POLD1: variants seen among roughly 807,000 people sequenced by gnomAD.
POLD1 encodes DNA polymerase delta catalytic subunit.
A neutral mutation model predicts 129.7 loss-of-function variants in POLD1; 79 were observed. That is an observed-to-expected ratio of 0.61 (90% CI 0.51 to 0.73). POLD1 has a LOEUF of 0.73. POLD1 is among the 30% of genes least tolerant of loss of function. The pLI, the probability that POLD1 is intolerant of heterozygous loss-of-function variation, is 0.00. For missense variants in POLD1, 1,338 were observed against 1,595.8 expected (o/e 0.84, Z 2.75); for synonymous variants, 714 against 683.3 (o/e 1.04, Z -0.70).
chr19:50,397,408 T>C (rs1568613171), intron 1 of POLD1, among the ~76,000 whole-genome samples: 1 of 150,836 alleles, frequency 6.6e-6, no homozygotes, highest in South Asian at 2.1e-4. Flanking sequence ...TCTGTCTTTT[T>C]TTTTTTTTTT....
intron 3 of POLD1, among the ~76,000 whole-genome samples, chr19:50,401,126 A>G (rs1468896233): frequency 6.6e-6 from 1 of 151,378 alleles, no homozygotes; most frequent in Non-Finnish European, 1.5e-5. Context: ...CGTCTCTACT[A>G]AAAATTCAAA....
intron 14 of POLD1, 37 bp from the exon 15 acceptor site, chr19:50,408,748 T>C (rs778222413): frequency 1.2e-6 from 2 of 1,610,168 alleles, no homozygotes; most frequent in Non-Finnish European, 1.7e-6. Context: ...TGGGAACTCC[T>C]AGCCCTGACT....
chr19:50,413,473 G>T lies in POLD1; in HGVS notation c.2202G>T (p.Leu734=). ...GRQMIEKTKQ[L]VESKYTVENG... is the part of the protein sequence containing the mutation. ...AGATGATCGAGAAAACCAAGCAGCT[G>T]GTGGAGTCTAAGTACACAGTGGAGA... The change falls in exon 18 of 27, where the codon CTG becomes CTT. Residue 734 remains leucine, a synonymous_variant. Coordinates refer to ENST00000440232, the MANE Select transcript of POLD1 (RefSeq NM_002691.4). 6.2e-7 allele frequency: 1 copy of T among 1,613,204 alleles called. No individual in the cohort carries two copies. The highest frequency in any genetic ancestry group is 8.5e-7 in the Non-Finnish European group (1 of 1,179,508).
Position 50,415,794 on chromosome 19 carries a change from GC to G in POLD1, c.2790del (p.Lys931ArgfsTer7). The part of the protein sequence containing the change: ...DRVPYVIISA[A>X]KGVAAYMKSE... ...CGTCCCCTACGTGATCATCAGTGCC[GC>G]CAAGGGTGTGGCCGCCTACATGAAG... On this transcript the variant is annotated frameshift_variant, in exon 22 of 27. Transcript: ENST00000440232. LOFTEE classifies it high-confidence loss of function. The G allele has an allele frequency of 6.4e-7, 1 of 1,560,522 alleles. No individual in the cohort carries two copies.
rs373860178 is a variant in POLD1, at chr19:50,403,228, C to G, written c.1137+9C>G. ...AGGAGGACCTGCTGCAGGTAGCTCT[C>G]GCTCCACGCCCCACACCATTTCCCG... On this transcript the variant is annotated intron_variant, in intron 9 of 26. Transcript: ENST00000440232. 6.5e-7 allele frequency: 1 copy of G among 1,540,090 alleles called. No individual in the cohort carries two copies. The highest frequency in any genetic ancestry group is 8.8e-7 in the Non-Finnish European group (1 of 1,139,670).
chr19:50,416,762 A>G (rs2039313146), intron 24 of POLD1, 39 bp downstream of exon 24: 2 of 1,415,356 alleles, frequency 1.4e-6, no homozygotes, highest in South Asian at 2.5e-5. Context: ...CTGGCCCTCA[A>G]CCTGCTCTGC....
At chr19:50,397,961 A>T (rs142941757) in intron 1 of POLD1, among the ~76,000 whole-genome samples, 22 of 152,300 alleles carry the variant, frequency 1.4e-4, no homozygotes, top group African/African-American at 5.3e-4. Context: ...ATTGTTAGGC[A>T]CTACGTGCTA....
At chr19:50,389,761 G>T (rs550195660) in intron 1 of POLD1, among the ~76,000 whole-genome samples, 1 of 149,212 alleles carries the variant, frequency 6.7e-6, no homozygotes. Flanking sequence ...TAATTTTTTT[G>T]TATTTTTTGT....
rs1555792877 is a variant in POLD1 at position 50,414,936 on chromosome 19, G to A, written c.2510G>A (p.Cys837Tyr). 1 of 1,608,648 alleles carries A rather than the reference G, an allele frequency of 6.2e-7. No individual in the cohort carries two copies. Among genetic ancestry groups the A allele is most frequent in the Non-Finnish European group, 8.5e-7 (1 of 1,176,864 alleles). Residue 837 changes from cysteine to tyrosine, a missense_variant, in exon 20 of 27, where the codon TGC becomes TAC. By Grantham distance (194) the Cys-to-Tyr change is radical (BLOSUM62 -2). Coordinates refer to ENST00000440232, the MANE Select transcript of POLD1 (RefSeq NM_002691.4). Reference sequence around the variant, plus strand: ...CTGGAGGCCGTGCGCAGGGACAACTGCCCCCTCGTGGCCAACCTGGTCACT... The same window carrying A: ...CTGGAGGCCGTGCGCAGGGACAACTACCCCCTCGTGGCCAACCTGGTCACT... Reference protein sequence around the residue: ...KGLEAVRRDNCPLVANLVTAS... With the variant: ...KGLEAVRRDNYPLVANLVTAS...
In POLD1 at chr19:50,409,595, G is replaced by T. The variant is rs1051419059; in HGVS notation, c.2083G>T (p.Val695Leu). The change falls in exon 17 of 27, where the codon GTG (valine) becomes TTG (leucine). Residue 695 changes from valine to leucine, a missense_variant. Physicochemically the swap from Val to Leu is conservative, Grantham distance 32. Coordinates refer to ENST00000440232, the MANE Select transcript of POLD1 (RefSeq NM_002691.4). This position sits in a 1 kb window ranked among gnomAD's most constrained non-coding sequence, Gnocchi z 5.8. ...GGATGGACGGCAGCTGGCGCTGAAG[G>T]TGAGCGCCAACTCCGTATACGGCTT... Reference protein sequence around the residue: ...VLDGRQLALKVSANSVYGFTG... With the variant: ...VLDGRQLALKLSANSVYGFTG... The T allele has an allele frequency of 1.2e-6, 2 of 1,613,330 alleles. No homozygotes were observed. The highest frequency in any genetic ancestry group is 1.7e-6 in the Non-Finnish European group (2 of 1,179,968).
At chr19:50,413,678 C>T (rs2122443136) in intron 18 of POLD1, 64 bp from the exon 19 acceptor site, 8 of 1,559,872 alleles carry the variant, frequency 5.1e-6, no homozygotes, top group Non-Finnish European at 6.9e-6. Context: ...CTGCCACCCC[C>T]CGACACCAGT....
In POLD1 at chr19:50,406,763, C is replaced by T. The variant is rs1490579876; in HGVS notation, c.1495-220C>T. On this transcript the variant is annotated intron_variant, in intron 12 of 26. Transcript: ENST00000440232. This position sits in a 1 kb window ranked among gnomAD's most constrained non-coding sequence, Gnocchi z 5.5. ...GGCCTGACCACAGGTCCACGGTGGCCTTCAGGCTGCTCCCTCCTCCTCCCT... is the reference window on the plus strand; with the variant it reads ...GGCCTGACCACAGGTCCACGGTGGCTTTCAGGCTGCTCCCTCCTCCTCCCT... Among the ~76,000 whole-genome samples, 2 of 152,128 alleles carry T rather than the reference C, an allele frequency of 1.3e-5. No homozygotes were observed. Among genetic ancestry groups the T allele is most frequent in the Non-Finnish European group, 2.9e-5 (2 of 68,006 alleles).
chr19:50,410,584 A>G (rs552365821), intron 17 of POLD1, among the ~76,000 whole-genome samples: 16 of 151,692 alleles, frequency 1.1e-4, no homozygotes, highest in Non-Finnish European at 2.1e-4. Flanking sequence ...CAGCAAAAGG[A>G]CACAGATTAA....
Position 50,402,422 on chromosome 19 carries a change from GCCCCTGTCCACTGACCCCCAGCCCC to G in POLD1, c.759-30_759-6del. ...CGGCCTCTATCCCCACCCTCGGGCAGCCCCTGTCCACTGACCCCCAGCCCCCTCCAGGTTCATGGTGGACACGGAC... is the reference window on the plus strand; with the variant it reads ...CGGCCTCTATCCCCACCCTCGGGCAGCTCCAGGTTCATGGTGGACACGGAC... On this transcript the variant is annotated splice_polypyrimidine_tract_variant and splice_region_variant and intron_variant, in intron 6 of 26. Transcript: ENST00000440232. The G allele has an allele frequency of 6.2e-7, 1 of 1,612,990 alleles. No individual in the cohort carries two copies. The highest frequency in any genetic ancestry group is 2.2e-5 in the East Asian group (1 of 44,848).
intron 24 of POLD1, 97 bp downstream of exon 24, chr19:50,416,820 C>G (rs1360934703): frequency 1.0e-5 from 11 of 1,048,904 alleles, no homozygotes; most frequent in Middle Eastern, 3.0e-4. Flanking sequence ...GCACTGCCAC[C>G]CAGTGGGCCC....
chr19:50,408,475 G>A (rs1179523907), intron 14 of POLD1, among the ~76,000 whole-genome samples: 1 of 152,028 alleles, frequency 6.6e-6, no homozygotes, highest in African/African-American at 2.4e-5. Context: ...CCACCTCCTA[G>A]GCTCAAGCAA....
intron 1 of POLD1, among the ~76,000 whole-genome samples, chr19:50,395,432 AAAT>A (rs1437920349): frequency 2.6e-5 from 4 of 151,900 alleles, no homozygotes; most frequent in Non-Finnish European, 5.9e-5. Context: ...AAATACAAAA[AAAT>A]TAGGCGGGCG....
chr19:50,403,312 G>T, intron 9 of POLD1, 93 bp downstream of exon 9: 1 of 1,330,508 alleles, frequency 7.5e-7, no homozygotes, highest in South Asian at 1.4e-5. Flanking sequence ...CGACGCCCAT[G>T]TCTGTGGGTC....
intron 1 of POLD1, chr19:50,387,813 C>G (rs1173226069): frequency 6.6e-6 from 1 of 152,440 alleles, no homozygotes; most frequent in African/African-American, 2.4e-5. Flanking sequence ...CTGTAAGTCA[C>G]ACATGTACGC....
Sources: allele counts gnomAD v4.1 joint callset (sites outside exome capture counted in the v4.1 genomes callset), GRCh38; gene constraint gnomAD v4.1.1; non-coding constraint Gnocchi (gnomAD v3.1); transcripts MANE v1.5; gene names NCBI Gene and HGNC (gene_info 2026-07-23, HGNC 2026-07-21).